Variants in TYR observed in about 807,000 individuals in gnomAD.
TYR encodes tyrosinase, also known as LB24-AB.
TYR carries 58 observed loss-of-function variants against 51.5 expected under a neutral mutation model. The ratio of observed to expected loss-of-function variants is 1.13; its 90% confidence interval spans 0.91 to 1.40. The LOEUF (loss-of-function observed/expected upper bound fraction) is 1.40. TYR is among the 40% of genes most tolerant of loss of function. The pLI is 0.00. For missense variants in TYR, 732 were observed against 647.4 expected (o/e 1.13, Z -1.42); for synonymous variants, 263 against 235.2 (o/e 1.12, Z -1.08).
chr11:89,209,635 G>A (rs35457014), intron 2 of TYR, among the ~76,000 whole-genome samples: 24,557 of 152,120 alleles, frequency 0.16, 2,442 homozygotes, highest in African/African-American at 0.28. Flanking sequence ...TTCGAGCTCC[G>A]ATAATGGACA....
intron 3 of TYR, among the ~76,000 whole-genome samples, chr11:89,258,063 T>A (rs80284298): frequency 6.6e-6 from 1 of 152,062 alleles, no homozygotes; most frequent in Non-Finnish European, 1.5e-5. Context: ...ATTGTGCTAA[T>A]TGATTCCACA....
intron 2 of TYR, 75 bp downstream of exon 2, chr11:89,191,493 G>T: frequency 6.9e-7 from 1 of 1,443,136 alleles, no homozygotes; most frequent in Non-Finnish European, 9.7e-7. Flanking sequence ...GTCCTAGGAG[G>T]TATTTGAGAA....
At chr11:89,251,280 A>G (rs1944328309) in intron 3 of TYR, among the ~76,000 whole-genome samples, 1 of 152,000 alleles carries the variant, frequency 6.6e-6, no homozygotes, top group Middle Eastern at 3.2e-3. Flanking sequence ...CAGATTATTC[A>G]TAACATATCT....
Position 89,246,066 on chromosome 11 carries a change from G to T in TYR, c.1184+18096G>T, listed in dbSNP as rs550934423. Reference sequence around the variant, plus strand: ...GTTTTAACTGATTCTTAAATACTCCGATGTGGCTGGGGCTCATAGGAGTCA... The same window carrying T: ...GTTTTAACTGATTCTTAAATACTCCTATGTGGCTGGGGCTCATAGGAGTCA... On this transcript the variant is annotated intron_variant, in intron 3 of 4. Transcript: ENST00000263321. 2.0e-4 allele frequency among the ~76,000 whole-genome samples: 30 copies of T among 152,230 alleles called. No homozygotes were observed. In the South Asian group the frequency reaches 2.3e-3, roughly 12 times the overall value.
intron 2 of TYR, among the ~76,000 whole-genome samples, chr11:89,202,622 TACAC>T (rs10526067): frequency 4.2e-5 from 6 of 141,280 alleles, no homozygotes; most frequent in East Asian, 2.2e-4. Flanking sequence ...ATTTTCATAA[TACAC>T]ACACACACAC....
In TYR at chr11:89,191,262, G is replaced by A. The variant is rs757754120; in HGVS notation, c.880G>A (p.Glu294Lys). 1.6e-5 allele frequency: 26 copies of A among 1,613,420 alleles called. No homozygotes were observed. Among genetic ancestry groups the A allele is most frequent in the Admixed American group, 3.3e-5 (2 of 59,876 alleles). ...TCAGTCTTTATGCAATGGAACGCCC[G>A]AGGGACCTTTACGGCGTAATCCTGG... The part of the protein sequence containing the change: ...SHQSLCNGTP[E>K]GPLRRNPGNH... Residue 294 changes from glutamate to lysine, a missense_variant, in exon 2 of 5, where the codon GAG becomes AAG. Coordinates refer to ENST00000263321, the MANE Select transcript of TYR (RefSeq NM_000372.5).
intron 3 of TYR, among the ~76,000 whole-genome samples, chr11:89,266,988 T>G (rs1944533113): frequency 6.6e-6 from 1 of 151,940 alleles, no homozygotes. Flanking sequence ...GGGGAAAGAC[T>G]TGTCATTCAA....
At chr11:89,228,393 G>T (rs933868694) in intron 3 of TYR, among the ~76,000 whole-genome samples, 2 of 152,148 alleles carry the variant, frequency 1.3e-5, no homozygotes, top group Non-Finnish European at 2.9e-5. Context: ...AGGAGCTTGA[G>T]TCCAGATAGG....
At position 89,178,682 on chromosome 11, in the gene TYR, G is replaced by A. The variant is rs753998592; in HGVS notation, c.729G>A (p.Lys243=). 2 of 1,613,722 alleles carry A rather than the reference G, an allele frequency of 1.2e-6. No individual in the cohort carries two copies. Among genetic ancestry groups the A allele is most frequent in the African/African-American group, 2.7e-5 (2 of 74,904 alleles). ...IPYWDWRDAE[K]CDICTDEYMG... Reference sequence around the variant, plus strand: ...ATTGGGACTGGCGGGATGCAGAAAAGTGTGACATTTGCACAGATGAGTACA... The same window carrying A: ...ATTGGGACTGGCGGGATGCAGAAAAATGTGACATTTGCACAGATGAGTACA... The change falls in exon 1 of 5, where the codon AAG becomes AAA. Residue 243 remains lysine, a synonymous_variant. Coordinates refer to ENST00000263321, the MANE Select transcript of TYR (RefSeq NM_000372.5).
At chr11:89,180,616 C>T (rs1238255059) in intron 1 of TYR, among the ~76,000 whole-genome samples, 1 of 150,788 alleles carries the variant, frequency 6.6e-6, no homozygotes, top group African/African-American at 2.4e-5. Flanking sequence ...TTATCAACTT[C>T]AACCTTGTTC....
At chr11:89,272,394 CT>C (rs35724269) in intron 3 of TYR, among the ~76,000 whole-genome samples, 3,676 of 144,036 alleles carry the variant, frequency 0.026, 124 homozygotes, top group African/African-American at 0.078. Context: ...TGAATGAAAT[CT>C]TTTTTTTTTT....
At chr11:89,191,585 G>A (rs189824896) in intron 2 of TYR, among the ~76,000 whole-genome samples, 167 bp downstream of exon 2, 3 of 152,178 alleles carry the variant, frequency 2.0e-5, no homozygotes, top group Admixed American at 6.6e-5. Flanking sequence ...TGGTCAGCAC[G>A]TTATAATTCA....
In TYR at chr11:89,292,847, A is replaced by G. The variant is rs537925733; in HGVS notation, c.1367-2296A>G. On this transcript the variant is annotated intron_variant, in intron 4 of 4. Coordinates refer to ENST00000263321, the MANE Select transcript of TYR (RefSeq NM_000372.5). Reference sequence around the variant, plus strand: ...CTCCAACCATCTGATTGGGTTCCTAAAGCCAAGTCTTAGACATCCCATGAA... The same window carrying G: ...CTCCAACCATCTGATTGGGTTCCTAGAGCCAAGTCTTAGACATCCCATGAA... Among the ~76,000 whole-genome samples the G allele has an allele frequency of 6.0e-4, 91 of 152,258 alleles. 2 individuals carry two copies. The Middle Eastern group carries it at 0.02, about 34-fold the overall frequency.
chr11:89,179,078 G>A (rs2135243022), intron 1 of TYR, among the ~76,000 whole-genome samples: 1 of 152,262 alleles, frequency 6.6e-6, no homozygotes, highest in African/African-American at 2.4e-5. Context: ...AGTGCATTAT[G>A]TATTTTGTGA....
At chr11:89,231,594 A>T (rs537324240) in intron 3 of TYR, among the ~76,000 whole-genome samples, 1 of 143,088 alleles carries the variant, frequency 7.0e-6, no homozygotes, top group African/African-American at 2.8e-5. Flanking sequence ...AAGAAAATTT[A>T]AACTCCTAGA....
intron 2 of TYR, among the ~76,000 whole-genome samples, chr11:89,218,010 C>T (rs367573299): frequency 2.0e-5 from 3 of 152,140 alleles, no homozygotes; most frequent in East Asian, 3.9e-4. Context: ...CTCTTCTATC[C>T]TAACATCTAC....
chr11:89,238,133 C>A (rs186451506), intron 3 of TYR, among the ~76,000 whole-genome samples: 229 of 152,196 alleles, frequency 1.5e-3, no homozygotes, highest in Non-Finnish European at 2.1e-3. Flanking sequence ...CTGCTCCCAG[C>A]CAATTCTTCC....
chr11:89,225,966 A>T (rs1398778210), intron 2 of TYR, among the ~76,000 whole-genome samples: 1 of 152,050 alleles, frequency 6.6e-6, no homozygotes. Context: ...CATGTACCCC[A>T]AAGATATGTA....
At chr11:89,268,674 A>T in intron 3 of TYR, among the ~76,000 whole-genome samples, 1 of 151,944 alleles carries the variant, frequency 6.6e-6, no homozygotes, top group East Asian at 1.9e-4. Flanking sequence ...ATCCAGGAAC[A>T]GTTACTTCTT....
Sources: allele counts gnomAD v4.1 joint callset (sites outside exome capture counted in the v4.1 genomes callset), GRCh38; gene constraint gnomAD v4.1.1; transcripts MANE v1.5; gene names NCBI Gene and HGNC (gene_info 2026-07-23, HGNC 2026-07-21).